PCCB: variants seen among roughly 807,000 people sequenced by gnomAD.
The protein encoded by PCCB is propionyl-CoA carboxylase beta chain, mitochondrial.
Under a neutral mutation model 60.7 loss-of-function variants are expected in PCCB, and 43 were observed. The ratio of observed to expected loss-of-function variants is 0.71; its 90% CI spans 0.55 to 0.91. The LOEUF (loss-of-function observed/expected upper bound fraction) is 0.91, where lower values mean the gene tolerates loss of function less well. Among genes scored for constraint, PCCB ranks in the 40% least tolerant of loss-of-function variants. The pLI is 0.00. For synonymous variants in PCCB, 276 were observed against 255.9 expected (o/e 1.08, Z -0.75); for missense variants, 766 against 702.8 (o/e 1.09, Z -1.02).
At chr3:136,325,189 C>T (rs1425782697) in intron 10 of PCCB, among the ~76,000 whole-genome samples, 1 of 151,982 alleles carries the variant, frequency 6.6e-6, no homozygotes, top group Non-Finnish European at 1.5e-5. Flanking sequence ...CACATCTGGC[C>T]ATTTTTTTTT....
At chr3:136,260,610 C>A in intron 4 of PCCB, 75 bp downstream of exon 4, 1 of 1,244,722 alleles carries the variant, frequency 8.0e-7, no homozygotes, top group East Asian at 2.4e-5. Flanking sequence ...CTTTGGGGTA[C>A]AAGACACTGA....
chr3:136,304,584 AC>A lies in PCCB; in HGVS notation c.966+3475del, dbSNP rs1246666807. Among the ~76,000 whole-genome samples the A allele has an allele frequency of 5.5e-4, 65 of 118,966 alleles. 13 individuals are homozygous for A. The Middle Eastern group carries it at 0.013, about 23-fold the overall frequency. 78.0% of individuals were successfully genotyped at this position (118,966 alleles called of 152,430 possible). On this transcript the variant is annotated intron_variant, in intron 9 of 14. Coordinates refer to ENST00000251654, the MANE Select transcript of PCCB (RefSeq NM_000532.5). Reference sequence around the variant, plus strand: ...GTATTTTTAGTAGAGACGGGGTTTCACCGTGTTAGCCAGGATAGTCTCGATC... The same window carrying A: ...GTATTTTTAGTAGAGACGGGGTTTCACGTGTTAGCCAGGATAGTCTCGATC...
At chr3:136,276,985 G>T (rs545153187) in intron 5 of PCCB, among the ~76,000 whole-genome samples, 52 of 152,258 alleles carry the variant, frequency 3.4e-4, no homozygotes, top group African/African-American at 1.2e-3. Context: ...TATTCTTCTG[G>T]GTCTAGCCAC....
At chr3:136,319,112 G>A (rs1361429981) in intron 10 of PCCB, among the ~76,000 whole-genome samples, 4 of 152,276 alleles carry the variant, frequency 2.6e-5, no homozygotes, top group African/African-American at 9.6e-5. Context: ...CCTAGTGGAT[G>A]TGAAGTGAAT....
chr3:136,281,318 TG>T (rs1942469283), intron 5 of PCCB, among the ~76,000 whole-genome samples: 1 of 152,266 alleles, frequency 6.6e-6, no homozygotes, highest in African/African-American at 2.4e-5. Context: ...TTCTTTTTTC[TG>T]GTTCCTTATA....
At chr3:136,286,478 T>C (rs1202244456) in intron 6 of PCCB, among the ~76,000 whole-genome samples, 2 of 152,178 alleles carry the variant, frequency 1.3e-5, no homozygotes, top group Admixed American at 1.3e-4. Context: ...CCTGCATTGC[T>C]CTCCTGCAGC....
rs755780401 is a variant in PCCB, at chr3:136,312,070, G to A, written c.967-4871G>A. 3.9e-5 allele frequency among the ~76,000 whole-genome samples: 6 copies of A among 152,188 alleles called. No individual in the cohort carries two copies. In the East Asian group the frequency reaches 7.7e-4, roughly 20 times the overall value. On this transcript the variant is annotated intron_variant, in intron 9 of 14. Coordinates refer to ENST00000251654, the MANE Select transcript of PCCB (RefSeq NM_000532.5). ...ACAGCATCCTATAGTTAAAACTGTG[G>A]TACAGGCACATAAATAGACCAGTGG...
chr3:136,283,478 A>G (rs1041224709), intron 5 of PCCB, among the ~76,000 whole-genome samples: 1 of 152,138 alleles, frequency 6.6e-6, no homozygotes, highest in Non-Finnish European at 1.5e-5. Flanking sequence ...TGAGGTTTTC[A>G]GTCTTCTTTC....
At chr3:136,293,598 G>A (rs1252431683) in intron 6 of PCCB, among the ~76,000 whole-genome samples, 158 bp from the exon 7 acceptor site, 1 of 152,188 alleles carries the variant, frequency 6.6e-6, no homozygotes, top group Non-Finnish European at 1.5e-5. Flanking sequence ...GGGAAAACTT[G>A]GGTCTTTAGT....
At position 136,328,391 on chromosome 3, in the gene PCCB, A is replaced by G. The variant is rs183479374; in HGVS notation, c.1399-367A>G. On this transcript the variant is annotated intron_variant, in intron 13 of 14. Coordinates refer to ENST00000251654, the MANE Select transcript of PCCB (RefSeq NM_000532.5). ...CCGAAAAAGGGAAATAGCACATTTA[A>G]TTCCCCTTGATACAAGACCATGGAT... Among the ~76,000 whole-genome samples, 22 of 152,338 alleles carry G rather than the reference A, an allele frequency of 1.4e-4. No homozygotes were observed. In the East Asian group the frequency reaches 4.1e-3, roughly 28 times the overall value.
At chr3:136,271,490 A>G (rs1023743812) in intron 5 of PCCB, among the ~76,000 whole-genome samples, 47 of 152,256 alleles carry the variant, frequency 3.1e-4, no homozygotes, top group African/African-American at 1.1e-3. Flanking sequence ...CTCCATGAGC[A>G]TGAGATGTGT....
In PCCB at chr3:136,301,950, A is replaced by G. The variant is rs1433301033; in HGVS notation, c.966+839A>G. Among the ~76,000 whole-genome samples the G allele has an allele frequency of 3.9e-5, 6 of 152,290 alleles. No individual in the cohort carries two copies. The East Asian group carries it at 1.2e-3, about 29-fold the overall frequency. ...CCTAGTTGTTAACGTCTGGCTCCCA[A>G]AAGTAGAAAAAGAGAAAAAAAATGA... On this transcript the variant is annotated intron_variant, in intron 9 of 14. Coordinates refer to ENST00000251654, the MANE Select transcript of PCCB (RefSeq NM_000532.5).
At chr3:136,308,415 A>G (rs1431139537) in intron 9 of PCCB, among the ~76,000 whole-genome samples, 1 of 152,186 alleles carries the variant, frequency 6.6e-6, no homozygotes, top group Non-Finnish European at 1.5e-5. Context: ...TGTAAAGCAT[A>G]TCGAATATCT....
At chr3:136,256,479 A>T in intron 2 of PCCB, 76 bp from the exon 3 acceptor site, 1 of 1,057,486 alleles carries the variant, frequency 9.5e-7, no homozygotes, top group Non-Finnish European at 1.5e-6. Context: ...TTTGTCTTTC[A>T]TTGAGGCATA....
At chr3:136,252,662 ATTTTTTT>A (rs962722858) in intron 1 of PCCB, among the ~76,000 whole-genome samples, 2 of 120,904 alleles carry the variant, frequency 1.7e-5, no homozygotes, top group Admixed American at 8.5e-5. Flanking sequence ...TACCCAGCTA[ATTTTTTT>A]TTTTTTTTTT....
rs1301746150 is a variant in PCCB, at chr3:136,283,868, A to T, written c.575A>T (p.Gln192Leu). 2 of 1,613,756 alleles carry T rather than the reference A, an allele frequency of 1.2e-6. No homozygotes were observed. Among genetic ancestry groups the T allele is most frequent in the Non-Finnish European group, 1.7e-6 (2 of 1,179,774 alleles). Residue 192 changes from glutamine to leucine, a missense_variant, in exon 6 of 15, where the codon CAG (glutamine) becomes CTG (leucine). Physicochemically the swap from Gln to Leu is moderately radical, Grantham distance 113. Coordinates refer to ENST00000251654, the MANE Select transcript of PCCB (RefSeq NM_000532.5). ...GTTACGGCATCCGGAGTCATCCCTC[A>T]GATTTCTCTGATCATGGGCCCATGT... ...RNVTASGVIP[Q>L]ISLIMGPCAG...
intron 5 of PCCB, among the ~76,000 whole-genome samples, chr3:136,279,101 A>G (rs1419657459): frequency 6.6e-6 from 1 of 152,182 alleles, no homozygotes; most frequent in Non-Finnish European, 1.5e-5. Context: ...TGATAGTAAT[A>G]TAGCCACCTA....
intron 7 of PCCB, among the ~76,000 whole-genome samples, chr3:136,294,952 TA>T (rs1341109131): frequency 6.6e-6 from 1 of 152,158 alleles, no homozygotes; most frequent in Non-Finnish European, 1.5e-5. Context: ...GTACCAAGTT[TA>T]AAATGTATAA....
intron 6 of PCCB, 77 bp from the exon 7 acceptor site, chr3:136,293,679 C>T (rs1038500366): frequency 1.3e-5 from 12 of 903,726 alleles, no homozygotes; most frequent in African/African-American, 1.1e-4. Context: ...CATTTGTCAT[C>T]TTGGCTGAAT....
Sources: allele counts gnomAD v4.1 joint callset (sites outside exome capture counted in the v4.1 genomes callset), GRCh38; gene constraint gnomAD v4.1.1; transcripts MANE v1.5; gene names NCBI Gene and HGNC (gene_info 2026-07-23, HGNC 2026-07-21).